Variants in MGAM observed in about 807,000 individuals in gnomAD.
MGAM encodes the protein maltase-glucoamylase, also known as alpha-1,4-glucosidase.
MGAM carries 253 observed loss-of-function variants against 358.8 expected under a neutral mutation model. That is an observed-to-expected ratio of 0.71 (90% CI 0.64 to 0.78). The LOEUF is 0.78. Ranked by LOEUF, MGAM falls within the 30% of genes least tolerant of loss-of-function variation. The probability of loss-of-function intolerance (pLI) is 0.00; values close to 1 mark genes in which losing one functional copy is unlikely to be tolerated. For synonymous variants in MGAM, 1,105 were observed against 1,227.1 expected (o/e 0.90, Z 2.08); for missense variants, 3,080 against 3,432.6 (o/e 0.90, Z 2.57).
At chr7:142,045,359 GATATATA>G (rs1450476721) in intron 21 of MGAM, among the ~76,000 whole-genome samples, 1 of 93,852 alleles carries the variant, frequency 1.1e-5, no homozygotes, top group African/African-American at 4.2e-5. Context: ...TATAATACAT[GATATATA>G]ATATATATTA....
rs571208567 is a variant in MGAM at position 142,077,953 on chromosome 7, A to G, written c.5494-365A>G. 4.8e-5 allele frequency among the ~76,000 whole-genome samples: 7 copies of G among 145,746 alleles called. 1 individual carries two copies. Among genetic ancestry groups the G allele is most frequent in the Non-Finnish European group, 9.3e-5 (6 of 64,298 alleles). Reference sequence around the variant, plus strand: ...GAGGATCAGCTCACTTTGAGATGACACCATGTGTCATGCTAAAGAGGAAGT... The same window carrying G: ...GAGGATCAGCTCACTTTGAGATGACGCCATGTGTCATGCTAAAGAGGAAGT... On this transcript the variant is annotated intron_variant, in intron 47 of 70. Coordinates refer to ENST00000475668, the MANE Select transcript of MGAM (RefSeq NM_001365693.1).
intron 22 of MGAM, among the ~76,000 whole-genome samples, chr7:142,049,450 A>C (rs1416101866): frequency 6.6e-6 from 1 of 152,208 alleles, no homozygotes; most frequent in Non-Finnish European, 1.5e-5. Context: ...ATAAACAAGC[A>C]TGACTACATC....
chr7:142,056,994 G>A, intron 30 of MGAM, 52 bp downstream of exon 30: 1 of 1,545,752 alleles, frequency 6.5e-7, no homozygotes, highest in Non-Finnish European at 8.9e-7. Flanking sequence ...CATTCTGGGT[G>A]CCAGAGTCCA....
In MGAM at chr7:142,096,378, T is replaced by C; in HGVS notation, c.7655T>C (p.Leu2552Pro). ...VTWDIDSQFL[L>P]GPAFLVSPVL... ...TGGGACATAGACAGTCAGTTCCTGC[T>C]GGGCCCAGCCTTCCTGGTCAGCCCT... Residue 2552 changes from leucine to proline, a missense_variant, in exon 65 of 71, where the codon CTG (leucine) becomes CCG (proline). Around this residue, in one of 5 missense-constraint regions of MGAM, gnomAD observed 932 missense variants for 1,198.2 expected, o/e 0.78. Coordinates refer to ENST00000475668, the MANE Select transcript of MGAM (RefSeq NM_001365693.1). 1 of 1,613,786 alleles carries C rather than the reference T, an allele frequency of 6.2e-7. No individual in the cohort carries two copies. Among genetic ancestry groups the C allele is most frequent in the Non-Finnish European group, 8.5e-7 (1 of 1,179,716 alleles).
At chr7:142,088,825 CTATCTAT>C (rs1815069950) in intron 57 of MGAM, among the ~76,000 whole-genome samples, 1 of 63,208 alleles carries the variant, frequency 1.6e-5, no homozygotes, top group African/African-American at 5.6e-5. Context: ...TATGTACCAT[CTATCTAT>C]CTATCTATCT....
rs1390590692 is a variant in MGAM at position 142,065,430 on chromosome 7, A to G, written c.4580A>G (p.Asn1527Ser). Residue 1527 changes from asparagine (N) to serine (S), a missense_variant, in exon 38 of 71, where the codon AAC becomes AGC. Asn to Ser is a conservative substitution (Grantham distance 46). Coordinates refer to ENST00000475668, the MANE Select transcript of MGAM (RefSeq NM_001365693.1). ...TGGGCAGGACATTGGCTGGGAGACA[A>G]CACGGCCGCATGGGATCAGCTGAAG... ...GRWAGHWLGD[N>S]TAAWDQLKKS... The G allele has an allele frequency of 3.1e-6, 5 of 1,609,658 alleles. No individual in the cohort carries two copies. In the South Asian group the frequency reaches 4.4e-5, roughly 14 times the overall value.
At chr7:142,027,446 C>G (rs1260828349) in intron 9 of MGAM, among the ~76,000 whole-genome samples, 164 bp from the exon 10 acceptor site, 2 of 152,300 alleles carry the variant, frequency 1.3e-5, no homozygotes, top group African/African-American at 4.8e-5. Flanking sequence ...TGGCCCTACC[C>G]TCAAACATTT....
intron 1 of MGAM, among the ~76,000 whole-genome samples, chr7:141,997,719 A>G (rs1237426058): frequency 1.3e-5 from 2 of 152,152 alleles, no homozygotes; most frequent in African/African-American, 2.4e-5. Flanking sequence ...TTCCAAGGTC[A>G]TACAGCTGGC....
At chr7:142,086,744 G>T in intron 57 of MGAM, 27 bp downstream of exon 57, 1 of 1,055,776 alleles carries the variant, frequency 9.5e-7, no homozygotes. Context: ...AATTTGGGTG[G>T]AGTCAGGGTT....
chr7:142,072,711 G>A (rs1813440658), intron 44 of MGAM, among the ~76,000 whole-genome samples: 1 of 146,194 alleles, frequency 6.8e-6, no homozygotes, highest in African/African-American at 2.4e-5. Context: ...TTCCTCCAGA[G>A]ATGATTTGCC....
At chr7:142,097,756 G>C in intron 66 of MGAM, 107 bp downstream of exon 66, 1 of 1,261,792 alleles carries the variant, frequency 7.9e-7, no homozygotes, top group South Asian at 1.3e-5. Context: ...CCCACCTGCT[G>C]TGTGGTCTTA....
chr7:142,034,576 T>C, intron 15 of MGAM, 94 bp from the exon 16 acceptor site: 1 of 1,205,156 alleles, frequency 8.3e-7, no homozygotes, highest in Non-Finnish European at 1.2e-6. Context: ...GAATGGGTTA[T>C]TCACTTTTAA....
chr7:142,088,917 CCCT>C lies in MGAM; in HGVS notation c.6810+2202_6810+2204del, dbSNP rs1454078500. On this transcript the variant is annotated intron_variant, in intron 57 of 70. Transcript: ENST00000475668. ...ATCCACTCACCCTATCTATCCAAAT[CCCT>C]CTTCTGTCTATCATTTATCTACCTA... Among the ~76,000 whole-genome samples, 102 of 143,300 alleles carry C rather than the reference CCCT, an allele frequency of 7.1e-4. 2 individuals carry two copies. Among genetic ancestry groups the C allele is most frequent in the African/African-American group, 2.4e-3 (96 of 40,638 alleles). 94.0% of individuals were successfully genotyped at this position (143,300 alleles called of 152,430 possible). A position where few individuals can be genotyped will look rare whatever the true frequency, so the allele number is the denominator to read the frequency against.
At chr7:142,058,579 C>A (rs1365995956) in intron 31 of MGAM, among the ~76,000 whole-genome samples, 2 of 152,230 alleles carry the variant, frequency 1.3e-5, no homozygotes, top group South Asian at 4.1e-4. Flanking sequence ...TCTTTCTGCT[C>A]TCCCGTGCTT....
chr7:142,067,641 G>C lies in MGAM; in HGVS notation c.5004+216G>C, dbSNP rs571882085. Among the ~76,000 whole-genome samples, 2 of 142,298 alleles carry C rather than the reference G, an allele frequency of 1.4e-5. 1 individual carries two copies. The highest frequency in any genetic ancestry group is 3.2e-5 in the Non-Finnish European group (2 of 62,864). The allele number at this position is 142,298 out of a possible 152,430, so 93.4% of individuals were successfully genotyped here. On this transcript the variant is annotated intron_variant, in intron 42 of 70. Transcript: ENST00000475668. Reference sequence around the variant, plus strand: ...ATGAGCCTAACAATTCTGGTTCGTAGGATGATCAAGAAGAAAACACCTCAT... The same window carrying C: ...ATGAGCCTAACAATTCTGGTTCGTACGATGATCAAGAAGAAAACACCTCAT...
intron 20 of MGAM, 104 bp downstream of exon 20, chr7:142,040,275 T>C (rs768633117): frequency 6.7e-5 from 62 of 926,010 alleles, no homozygotes; most frequent in Middle Eastern, 2.1e-4. Context: ...TGCTGAGGAG[T>C]AGTTTTTAGT....
chr7:142,083,502 T>C (rs1353049163), intron 53 of MGAM, 89 bp downstream of exon 53: 2 of 918,398 alleles, frequency 2.2e-6, no homozygotes, highest in Admixed American at 5.5e-5. Context: ...TCTCAGATGA[T>C]AACTGGAATT....
intron 4 of MGAM, among the ~76,000 whole-genome samples, chr7:142,019,895 C>T (rs1274667276): frequency 7.9e-5 from 12 of 152,038 alleles, no homozygotes; most frequent in Non-Finnish European, 1.2e-4. Flanking sequence ...ATGGCGAAAC[C>T]CCATCTCTAC....
At chr7:142,040,203 A>G (rs375450611) in intron 20 of MGAM, 32 bp downstream of exon 20, 28 of 1,547,656 alleles carry the variant, frequency 1.8e-5, no homozygotes, top group African/African-American at 1.8e-4. Flanking sequence ...TCTACTCCTT[A>G]AGACTGTAGC....
Sources: gnomAD v4.1 joint callset for allele counts (sites outside exome capture counted in the v4.1 genomes callset) on GRCh38, gnomAD v4.1.1 for gene constraint, gnomAD v4.1.1 regional missense constraint, MANE v1.5 for transcripts, NCBI Gene and HGNC (gene_info 2026-07-23, HGNC 2026-07-21) for gene names.